The following ASPH variants were observed in gnomAD, a reference collection of about 807,000 sequenced individuals.
ASPH encodes the protein aspartyl/asparaginyl beta-hydroxylase.
ASPH carries 100 observed loss-of-function variants against 118.4 expected under a neutral mutation model. That is an observed-to-expected ratio of 0.84 (90% CI 0.72 to 1.00). The LOEUF (loss-of-function observed/expected upper bound fraction) is 1.00. Among genes scored for constraint, ASPH ranks in the 50% least tolerant of loss-of-function variants. The probability of loss-of-function intolerance (pLI) is 0.00; values close to 1 mark genes in which losing one functional copy is unlikely to be tolerated. For synonymous variants in ASPH, 315 were observed against 325.6 expected (o/e 0.97, Z 0.35); for missense variants, 920 against 919.5 (o/e 1.00, Z -0.01).
chr8:61,678,221 T>G (rs1826313211), intron 3 of ASPH, among the ~76,000 whole-genome samples: 1 of 152,134 alleles, frequency 6.6e-6, no homozygotes. Context: ...GACAACCACA[T>G]GATCCTTAGG....
At chr8:61,664,155 A>C (rs1279765579) in intron 3 of ASPH, 2 of 965,466 alleles carry the variant, frequency 2.1e-6, no homozygotes, top group African/African-American at 1.8e-5. Context: ...AGAATAGTAC[A>C]AACCATTTGT....
intron 17 of ASPH, among the ~76,000 whole-genome samples, chr8:61,564,417 G>T (rs1356814450): frequency 2.0e-5 from 3 of 151,112 alleles, no homozygotes; most frequent in Non-Finnish European, 4.4e-5. Context: ...TCCTGCCTCA[G>T]CCTCTTGAGT....
chr8:61,578,015 C>CTCA (rs1835930103), intron 15 of ASPH, among the ~76,000 whole-genome samples: 1 of 152,200 alleles, frequency 6.6e-6, no homozygotes, highest in South Asian at 2.1e-4. Flanking sequence ...AGTCCAAAGT[C>CTCA]TCATCTGAGA....
chr8:61,520,639 C>T (rs1007667295), intron 22 of ASPH, among the ~76,000 whole-genome samples: 2 of 152,174 alleles, frequency 1.3e-5, no homozygotes, highest in Admixed American at 6.5e-5. Flanking sequence ...CATAAACCTA[C>T]GAGTCACCGT....
chr8:61,531,679 A>G (rs1199079218), intron 21 of ASPH, among the ~76,000 whole-genome samples: 4 of 151,830 alleles, frequency 2.6e-5, no homozygotes, highest in East Asian at 3.9e-4. Context: ...GTACTCTTCA[A>G]CCAACATGTC....
chr8:61,684,020 A>T lies in ASPH; in HGVS notation c.253+19T>A. 6.2e-7 allele frequency: 1 copy of T among 1,611,706 alleles called. No homozygotes were observed. The highest frequency in any genetic ancestry group is 8.5e-7 in the Non-Finnish European group (1 of 1,178,376). ...ACTTACTCTCTTACAAATTCACATA[A>T]GGATATCAAAATTCTTACCTAGAAC... is the stretch of plus-strand genomic sequence containing the variant. On this transcript the variant is annotated intron_variant, in intron 2 of 24. Coordinates refer to ENST00000379454, the MANE Select transcript of ASPH (RefSeq NM_004318.4).
intron 3 of ASPH, among the ~76,000 whole-genome samples, chr8:61,677,750 T>G (rs1004248544): frequency 3.3e-5 from 5 of 152,168 alleles, no homozygotes; most frequent in African/African-American, 1.2e-4. Context: ...AACAGTTTCT[T>G]CTTCCTGCCT....
intron 3 of ASPH, among the ~76,000 whole-genome samples, chr8:61,667,509 G>C (rs1314928569): frequency 6.6e-6 from 1 of 152,120 alleles, no homozygotes; most frequent in Non-Finnish European, 1.5e-5. Context: ...TGGGATTACA[G>C]GTGCCTGCCA....
chr8:61,638,021 ATC>A lies in ASPH; in HGVS notation c.833-20_833-19del, dbSNP rs779699754. On this transcript the variant is annotated intron_variant, in intron 11 of 24. Coordinates refer to ENST00000379454, the MANE Select transcript of ASPH (RefSeq NM_004318.4). ...AGTTACTTCTAAAATAAAGAATAAAATCAGAATCCATTACATGTTGCTGACCA... is the reference window on the plus strand; with the variant it reads ...AGTTACTTCTAAAATAAAGAATAAAAAGAATCCATTACATGTTGCTGACCA... 1.3e-5 allele frequency: 20 copies of A among 1,599,310 alleles called. No individual in the cohort carries two copies. Among genetic ancestry groups the A allele is most frequent in the Admixed American group, 3.5e-5 (2 of 57,808 alleles).
intron 14 of ASPH, among the ~76,000 whole-genome samples, chr8:61,602,530 C>T (rs962284639): frequency 7.3e-5 from 11 of 151,232 alleles, no homozygotes; most frequent in African/African-American, 2.5e-4. Flanking sequence ...CTCTCCTGCC[C>T]CCAAGATCAA....
chr8:61,679,947 A>T lies in ASPH; in HGVS notation c.322+1021T>A, dbSNP rs1428817160. On this transcript the variant is annotated intron_variant, in intron 3 of 24. Transcript: ENST00000379454. ...TAATTCCCAATGGGCAATAATAAAA[A>T]AAAAAAAAAAACAAAAAACACCAAC... Among the ~76,000 whole-genome samples the T allele has an allele frequency of 7.8e-4, 117 of 149,226 alleles. 2 individuals carry two copies. The East Asian group carries it at 0.018, about 23-fold the overall frequency.
intron 4 of ASPH, 85 bp downstream of exon 4, chr8:61,653,483 C>A: frequency 7.8e-7 from 1 of 1,289,304 alleles, no homozygotes; most frequent in Non-Finnish European, 1.1e-6. Flanking sequence ...GAAACAAATT[C>A]CAGGTAAAAC....
chr8:61,713,550 C>G (rs1838586178), intron 1 of ASPH, among the ~76,000 whole-genome samples: 1 of 152,146 alleles, frequency 6.6e-6, no homozygotes. Context: ...CCAAGAATCA[C>G]TGAAATATGA....
intron 14 of ASPH, among the ~76,000 whole-genome samples, chr8:61,585,803 A>G (rs1839263381): frequency 6.6e-6 from 1 of 152,092 alleles, no homozygotes; most frequent in Admixed American, 6.5e-5. Context: ...TTAAGCATCG[A>G]TGGCAGGGGT....
chr8:61,657,363 C>A (rs1469036440), intron 3 of ASPH: 2 of 152,158 alleles, frequency 1.3e-5, no homozygotes, highest in African/African-American at 4.8e-5. Flanking sequence ...ACTGTGGGAA[C>A]ATTGCAGTGT....
intron 6 of ASPH, 62 bp from the exon 7 acceptor site, chr8:61,644,694 G>T (rs535646215): frequency 4.1e-6 from 5 of 1,228,892 alleles, no homozygotes; most frequent in Admixed American, 4.8e-5. Flanking sequence ...TATATATCCC[G>T]TATATGTACT....
At chr8:61,622,106 G>A (rs1159763842) in intron 13 of ASPH, among the ~76,000 whole-genome samples, 4 of 152,274 alleles carry the variant, frequency 2.6e-5, no homozygotes, top group Non-Finnish European at 2.9e-5. Flanking sequence ...TTGGGAGGCC[G>A]AGGCGGGCAG....
intron 10 of ASPH, among the ~76,000 whole-genome samples, chr8:61,641,991 T>C (rs1319479493): frequency 6.6e-6 from 1 of 152,258 alleles, no homozygotes; most frequent in African/African-American, 2.4e-5. Context: ...AGCTTATTTA[T>C]AATGTCAGAA....
At chr8:61,665,264 T>C in intron 3 of ASPH, 3 of 1,592,996 alleles carry the variant, frequency 1.9e-6, no homozygotes, top group Non-Finnish European at 2.6e-6. Context: ...GCCGTTTCTT[T>C]TCTGGGTATT....
Sources: allele counts gnomAD v4.1 joint callset (sites outside exome capture counted in the v4.1 genomes callset), GRCh38; gene constraint gnomAD v4.1.1; transcripts MANE v1.5; gene names NCBI Gene and HGNC (gene_info 2026-07-23, HGNC 2026-07-21).